Variants in XPO5 observed in about 807,000 individuals in gnomAD.
XPO5 encodes exportin 5.
A neutral mutation model predicts 160.6 loss-of-function variants in XPO5; 46 were observed. That is an observed-to-expected ratio of 0.29 (90% CI 0.23 to 0.37). The LOEUF (loss-of-function observed/expected upper bound fraction) is 0.37. XPO5 is among the 10% of genes least tolerant of loss of function. The probability of loss-of-function intolerance (pLI) is 1.00; values close to 1 mark genes in which losing one functional copy is unlikely to be tolerated. For synonymous variants in XPO5, 537 were observed against 519.3 expected (o/e 1.03, Z -0.46); for missense variants, 1,090 against 1,463.9 (o/e 0.74, Z 4.17).
chr6:43,525,328 T>C (rs753467726), intron 28 of XPO5, 114 bp from the exon 29 acceptor site: 1 of 1,028,734 alleles, frequency 9.7e-7, no homozygotes, highest in Admixed American at 2.5e-5. Flanking sequence ...CCTCTAAAGA[T>C]GGGTTTGTTT....
intron 28 of XPO5, 101 bp downstream of exon 28, chr6:43,525,738 G>A: frequency 2.4e-6 from 3 of 1,227,930 alleles, no homozygotes; most frequent in Non-Finnish European, 3.4e-6. Flanking sequence ...TAACAAAGGA[G>A]TATTACAAAA....
At chr6:43,559,793 G>A (rs959925299) in intron 11 of XPO5, among the ~76,000 whole-genome samples, 1 of 152,100 alleles carries the variant, frequency 6.6e-6, no homozygotes, top group African/African-American at 2.4e-5. Flanking sequence ...ATGAAGAAGG[G>A]CTGTTAATAA....
chr6:43,536,062 C>T (rs1316302468), intron 20 of XPO5, among the ~76,000 whole-genome samples: 2 of 150,960 alleles, frequency 1.3e-5, no homozygotes, highest in African/African-American at 4.9e-5. Context: ...GAGCCAAGAT[C>T]GTGCCACTGC....
rs1162448362 is a variant in XPO5, at chr6:43,524,634, C to T, written c.3314G>A (p.Arg1105His). The change falls in exon 31 of 32, where the codon CGC becomes CAC. Residue 1105 changes from arginine (R) to histidine (H), a missense_variant and splice_region_variant. Arg to His is a conservative substitution (Grantham distance 29). Coordinates refer to ENST00000265351, the MANE Select transcript of XPO5 (RefSeq NM_020750.3). ...AGCTCTTATCTCCAGGTACCTGGGGCGCTGATATCAGCAGGGATAAACTTA... is the reference window on the plus strand; with the variant it reads ...AGCTCTTATCTCCAGGTACCTGGGGTGCTGATATCAGCAGGGATAAACTTA... ...HLAFQIYEALRPRYLEIRAVM... is the reference protein window; with the variant it reads ...HLAFQIYEALHPRYLEIRAVM... 4 of 1,613,486 alleles carry T rather than the reference C, an allele frequency of 2.5e-6. No individual in the cohort carries two copies. The highest frequency in any genetic ancestry group is 3.4e-6 in the Non-Finnish European group (4 of 1,179,660).
At position 43,548,264 on chromosome 6, in the gene XPO5, T is replaced by C. The variant is rs1194124063; in HGVS notation, c.2057A>G (p.His686Arg). ...VASIWLSQDMHRVLSDVDAFI... is the reference protein window; with the variant it reads ...VASIWLSQDMRRVLSDVDAFI... The stretch of plus-strand genomic sequence containing the variant: ...CAGGGCAAGGGATCTCCTTTACCTG[T>C]GCATGTCTTGAGAAAGCCAGATGCT... Residue 686 changes from histidine (H) to arginine (R), a missense_variant, in exon 18 of 32, where the codon CAC becomes CGC. Physicochemically the swap from His to Arg is conservative, Grantham distance 29. Coordinates refer to ENST00000265351, the MANE Select transcript of XPO5 (RefSeq NM_020750.3). The C allele has an allele frequency of 6.8e-6, 11 of 1,608,100 alleles. No homozygotes were observed. Among genetic ancestry groups the C allele is most frequent in the Non-Finnish European group, 9.3e-6 (11 of 1,176,600 alleles).
chr6:43,549,640 G>A, intron 16 of XPO5, 62 bp from the exon 17 acceptor site: 1 of 1,541,520 alleles, frequency 6.5e-7, no homozygotes, highest in Non-Finnish European at 8.8e-7. Context: ...GTGCTGCATA[G>A]ACTCATGTGA....
At chr6:43,550,478 G>C (rs942905994) in intron 15 of XPO5, among the ~76,000 whole-genome samples, 13 of 152,134 alleles carry the variant, frequency 8.5e-5, no homozygotes, top group African/African-American at 3.1e-4. Context: ...TCCTTCTGTG[G>C]GGGCTTCTCA....
chr6:43,562,680 A>G (rs1441610543), intron 8 of XPO5, among the ~76,000 whole-genome samples: 3 of 152,192 alleles, frequency 2.0e-5, no homozygotes, highest in Admixed American at 6.6e-5. Flanking sequence ...ACATTGAAGG[A>G]CAGGATGGTA....
At chr6:43,561,387 T>C (rs114620688) in intron 9 of XPO5, 1,919 of 166,154 alleles carry the variant, frequency 0.012, 43 homozygotes, top group African/African-American at 0.044. Flanking sequence ...CTTTTCTTTT[T>C]TTTTTCTTTT....
At chr6:43,572,634 A>C (rs1763068750) in intron 2 of XPO5, 56 bp from the exon 3 acceptor site, 1 of 1,513,166 alleles carries the variant, frequency 6.6e-7, no homozygotes. Context: ...TTGTCTTTAC[A>C]AGAGAATAGC....
rs78312695 is a variant in XPO5, at chr6:43,550,765, G to A, written c.1728+533C>T. ...CTCATGCTTTCTCTTCTTTAGTCCC[G>A]TTCTCCTTTGTGATCTGGTATTCTG... is the stretch of plus-strand genomic sequence containing the variant. On this transcript the variant is annotated intron_variant, in intron 15 of 31. Transcript: ENST00000265351. 8.9e-3 allele frequency among the ~76,000 whole-genome samples: 1,357 copies of A among 152,076 alleles called. 9 individuals are homozygous for A. The highest frequency in any genetic ancestry group is 0.027 in the Middle Eastern group (8 of 294).
chr6:43,523,822 GAA>G lies in XPO5; in HGVS notation c.*44_*45del, dbSNP rs772028862. 4.3e-6 allele frequency: 7 copies of G among 1,613,840 alleles called. No individual in the cohort carries two copies. The highest frequency in any genetic ancestry group is 5.9e-6 in the Non-Finnish European group (7 of 1,179,794). On this transcript the variant is annotated 3_prime_UTR_variant, in exon 32 of 32. Transcript: ENST00000265351. ...CCTAGAGATCGGCTACAAAGGGAAAGAAGAGATGACAAGAAAGGCCGAGGAAG... is the reference window on the plus strand; with the variant it reads ...CCTAGAGATCGGCTACAAAGGGAAAGGAGATGACAAGAAAGGCCGAGGAAG...
At chr6:43,542,395 A>G (rs1323065591) in intron 20 of XPO5, among the ~76,000 whole-genome samples, 1 of 152,094 alleles carries the variant, frequency 6.6e-6, no homozygotes, top group African/African-American at 2.4e-5. Flanking sequence ...TACTAAAAAA[A>G]TAGTAATTTA....
chr6:43,566,917 T>G (rs77244816), intron 7 of XPO5, among the ~76,000 whole-genome samples: 1,907 of 152,084 alleles, frequency 0.013, 42 homozygotes, highest in African/African-American at 0.044. Context: ...TTTACTTTTA[T>G]CTGTTAACTG....
chr6:43,568,271 C>T (rs1202492421), intron 6 of XPO5, among the ~76,000 whole-genome samples: 2 of 152,046 alleles, frequency 1.3e-5, no homozygotes, highest in African/African-American at 4.8e-5. Flanking sequence ...CGCGCCACTG[C>T]ACTCCAGCCT....
rs1475388479 is a variant in XPO5, at chr6:43,536,787, A to AG, written c.2343-2781_2343-2780insC. ...AAAAAAAAAAAAAAAAAAAAAAAAA[A>AG]AAAGCAGCTTTACTTTTTGGGTTTT... On this transcript the variant is annotated intron_variant, in intron 20 of 31. Coordinates refer to ENST00000265351, the MANE Select transcript of XPO5 (RefSeq NM_020750.3). 4.0e-3 allele frequency among the ~76,000 whole-genome samples: 595 copies of AG among 148,546 alleles called. 15 individuals carry two copies. Among genetic ancestry groups the AG allele is most frequent in the African/African-American group, 0.014 (547 of 39,098 alleles).
At chr6:43,527,843 G>A (rs775132397) in intron 25 of XPO5, 112 bp from the exon 26 acceptor site, 122 of 1,146,762 alleles carry the variant, frequency 1.1e-4, no homozygotes, top group Non-Finnish European at 1.2e-4. Flanking sequence ...TTGGGTCTTC[G>A]TTTTATGCAA....
rs377671235 is a variant in XPO5 at position 43,567,286 on chromosome 6, A to G, written c.717T>C (p.Ser239=). Residue 239 remains serine (S), a synonymous_variant, in exon 7 of 32, where the codon TCT becomes TCC. Transcript: ENST00000265351. The part of the protein sequence containing the change: ...NTLAGYIDWV[S]MSHITAENCK... ...AGTTTTCAGCAGTGATGTGACTCAT[A>G]GACACCCAGTCAATATAGCCTGCTA... 28 of 1,613,880 alleles carry G rather than the reference A, an allele frequency of 1.7e-5. No individual in the cohort carries two copies. The highest frequency in any genetic ancestry group is 5.3e-5 in the African/African-American group (4 of 74,930).
chr6:43,538,652 C>T (rs970885337), intron 20 of XPO5, among the ~76,000 whole-genome samples: 2 of 152,048 alleles, frequency 1.3e-5, no homozygotes, highest in Non-Finnish European at 2.9e-5. Context: ...TTGGGATTTT[C>T]GTCTCTATGT....
Sources: gnomAD v4.1 joint callset for allele counts (sites outside exome capture counted in the v4.1 genomes callset) on GRCh38, gnomAD v4.1.1 for gene constraint, MANE v1.5 for transcripts, NCBI Gene and HGNC (gene_info 2026-07-23, HGNC 2026-07-21) for gene names.